ANKRD36C: variants seen among roughly 807,000 people sequenced by gnomAD.
ANKRD36C encodes the protein ankyrin repeat domain-containing protein 36C.
Under a neutral mutation model 276.4 loss-of-function variants are expected in ANKRD36C, and 61 were observed. That is an observed-to-expected ratio of 0.22 (90% CI 0.18 to 0.27). The LOEUF is 0.27. ANKRD36C is among the 10% of genes least tolerant of loss of function. The pLI, the probability that ANKRD36C is intolerant of heterozygous loss-of-function variation, is 1.00. For synonymous variants in ANKRD36C, 483 were observed against 680.1 expected, an observed-to-expected ratio of 0.71 and a Z score of 4.51; for missense variants, 1,447 against 2,032.3, an observed-to-expected ratio of 0.71 and a Z score of 5.54.
chr2:95,913,836 T>G (rs1183984685), intron 40 of ANKRD36C, among the ~76,000 whole-genome samples: 1 of 151,412 alleles, frequency 6.6e-6, no homozygotes, highest in East Asian at 2.0e-4. Flanking sequence ...TAAAGCAAAA[T>G]TATGTTGTTC....
chr2:95,924,599 C>T (rs1677356955), intron 30 of ANKRD36C, among the ~76,000 whole-genome samples: 1 of 151,554 alleles, frequency 6.6e-6, no homozygotes, highest in Admixed American at 6.6e-5. Flanking sequence ...AAAAAGCCAG[C>T]ACTTTGGAAA....
intron 6 of ANKRD36C, among the ~76,000 whole-genome samples, chr2:95,970,335 A>T (rs1292763484): frequency 3.9e-5 from 6 of 152,094 alleles, no homozygotes; most frequent in Admixed American, 3.3e-4. Flanking sequence ...TTCAGCTTTC[A>T]TTTTTAGCTC....
In ANKRD36C at chr2:95,869,792, T is replaced by C. The variant is rs1441171925; in HGVS notation, c.3541-2211A>G. On this transcript the variant is annotated intron_variant, in intron 59 of 66. Coordinates refer to ENST00000456556, the Ensembl canonical transcript of ANKRD36C. Reference sequence around the variant, plus strand: ...GGGGTGACAGACAGCACCTGGAAAATTGGGTTACTCCCACCCTAATACTGC... The same window carrying C: ...GGGGTGACAGACAGCACCTGGAAAACTGGGTTACTCCCACCCTAATACTGC... Among the ~76,000 whole-genome samples the C allele has an allele frequency of 3.3e-5, 5 of 152,102 alleles. No homozygotes were observed. The East Asian group carries it at 9.6e-4, about 29-fold the overall frequency.
At chr2:95,951,166 G>A (rs1217199439) in intron 15 of ANKRD36C, among the ~76,000 whole-genome samples, 182 bp downstream of exon 15, 1 of 152,296 alleles carries the variant, frequency 6.6e-6, no homozygotes, top group Non-Finnish European at 1.5e-5. Flanking sequence ...CCAGCTACTC[G>A]GGAGGCTGAG....
chr2:95,851,685 T>A lies in ANKRD36C; in HGVS notation c.5313+9A>T, dbSNP rs1573714273. 1.4e-6 allele frequency: 2 copies of A among 1,475,692 alleles called. No homozygotes were observed. The highest frequency in any genetic ancestry group is 2.4e-4 in the Middle Eastern group (1 of 4,222). The allele number at this position is 1,475,692 out of a possible 1,614,324, so 91.4% of individuals were successfully genotyped here. A position where few individuals can be genotyped will look rare whatever the true frequency, so the allele number is the denominator to read the frequency against. ...TTTCAGTATGACAGAAATTAAGAAA[T>A]CAGCTTACCAAACTTGAATGCTGCA... On this transcript the variant is annotated intron_variant, in intron 66 of 66. Transcript: ENST00000456556.
chr2:95,931,467 TAC>T (rs1332310309), intron 24 of ANKRD36C, among the ~76,000 whole-genome samples: 1 of 150,500 alleles, frequency 6.6e-6, no homozygotes, highest in African/African-American at 2.4e-5. Flanking sequence ...CACTTTTATG[TAC>T]ACAACACTTT....
chr2:95,954,699 G>T (rs559507037), intron 13 of ANKRD36C, among the ~76,000 whole-genome samples: 16 of 152,060 alleles, frequency 1.1e-4, no homozygotes, highest in Admixed American at 3.3e-4. Flanking sequence ...TCCAATTATC[G>T]TCATTATATA....
intron 32 of ANKRD36C, 86 bp downstream of exon 32, chr2:95,923,409 A>T: frequency 6.6e-7 from 1 of 1,515,430 alleles, no homozygotes; most frequent in Non-Finnish European, 9.0e-7. Context: ...TGCAGCTTTG[A>T]TGAGCCCCCC....
chr2:95,979,588 A>T (rs1365292607), intron 5 of ANKRD36C, among the ~76,000 whole-genome samples: 1 of 152,018 alleles, frequency 6.6e-6, no homozygotes, highest in African/African-American at 2.4e-5. Flanking sequence ...TTGAATGCCT[A>T]CTACTCTAAG....
chr2:95,880,984 C>A (rs1676065924), intron 56 of ANKRD36C, among the ~76,000 whole-genome samples: 1 of 152,208 alleles, frequency 6.6e-6, no homozygotes, highest in African/African-American at 2.4e-5. Flanking sequence ...CTAACTGCGA[C>A]TGCATGACTT....
intron 19 of ANKRD36C, among the ~76,000 whole-genome samples, chr2:95,943,300 A>G (rs550082626): frequency 4.6e-5 from 7 of 152,352 alleles, no homozygotes; most frequent in African/African-American, 1.2e-4. Flanking sequence ...TGGCTAACAC[A>G]GTGAAACCCC....
chr2:95,902,657 A>G (rs1246386842), intron 42 of ANKRD36C, among the ~76,000 whole-genome samples: 1 of 150,028 alleles, frequency 6.7e-6, no homozygotes, highest in South Asian at 2.1e-4. Flanking sequence ...ACTGCTCTCC[A>G]TATTTCTTCT....
intron 42 of ANKRD36C, among the ~76,000 whole-genome samples, chr2:95,907,790 T>C (rs948540220): frequency 4.7e-5 from 7 of 149,898 alleles, no homozygotes; most frequent in African/African-American, 1.7e-4. Context: ...ATTATCTCAT[T>C]TTTATAACTA....
At chr2:95,858,380 T>C (rs1675475642) in intron 61 of ANKRD36C, among the ~76,000 whole-genome samples, 3 of 152,238 alleles carry the variant, frequency 2.0e-5, no homozygotes. Flanking sequence ...TTTTAATTTC[T>C]CACCTCAATC....
chr2:95,901,926 C>A (rs557708004), intron 42 of ANKRD36C, among the ~76,000 whole-genome samples: 1 of 149,356 alleles, frequency 6.7e-6, no homozygotes, highest in African/African-American at 2.5e-5. Context: ...CTTTGACATA[C>A]TTCTACAAAG....
In ANKRD36C at chr2:95,929,372, C is replaced by T. The variant is rs1244391184; in HGVS notation, c.1736-105G>A. On this transcript the variant is annotated intron_variant, in intron 24 of 66. Coordinates refer to ENST00000456556, the Ensembl canonical transcript of ANKRD36C. The stretch of plus-strand genomic sequence containing the variant: ...TTAGCATCAAGTTTTGTACTCCTGC[C>T]TGTATTACTGTAGGCTTTGATATTT... 15 of 1,014,786 alleles carry T rather than the reference C, an allele frequency of 1.5e-5. No homozygotes were observed. In the East Asian group the frequency reaches 1.6e-4, roughly 11 times the overall value. 62.9% of individuals were successfully genotyped at this position (1,014,786 alleles called of 1,614,324 possible).
At chr2:95,964,430 A>C (rs1412285014) in intron 6 of ANKRD36C, among the ~76,000 whole-genome samples, 1 of 151,980 alleles carries the variant, frequency 6.6e-6, no homozygotes, top group Non-Finnish European at 1.5e-5. Flanking sequence ...TTTTTCGTTC[A>C]TAAATCGAAT....
intron 60 of ANKRD36C, among the ~76,000 whole-genome samples, chr2:95,866,953 G>A (rs71427058): frequency 1.3e-5 from 2 of 152,206 alleles, no homozygotes; most frequent in African/African-American, 4.8e-5. Flanking sequence ...AGGGTATGCA[G>A]TGATGCAGTA....
chr2:95,924,247 A>G (rs1677349129), intron 30 of ANKRD36C, among the ~76,000 whole-genome samples: 1 of 151,640 alleles, frequency 6.6e-6, no homozygotes, highest in South Asian at 2.1e-4. Context: ...AGTAGATAGT[A>G]TTCATTATTT....
Sources: gnomAD v4.1 joint callset for allele counts (sites outside exome capture counted in the v4.1 genomes callset) on GRCh38, gnomAD v4.1.1 for gene constraint, MANE v1.5 for transcripts, NCBI Gene and HGNC (gene_info 2026-07-23, HGNC 2026-07-21) for gene names.